SLC4A5: variants seen among roughly 807,000 people sequenced by gnomAD.
SLC4A5 encodes solute carrier family 4 member 5.
SLC4A5 carries 96 observed loss-of-function variants against 120.4 expected under a neutral mutation model. The observed-to-expected ratio is 0.80, with a 90% CI of 0.68 to 0.94. The LOEUF is 0.94. SLC4A5 is among the 40% of genes least tolerant of loss of function. SLC4A5 has a pLI of 0.00. For synonymous variants in SLC4A5, 550 were observed against 571.1 expected (o/e 0.96, Z 0.53); for missense variants, 1,259 against 1,459.5 (o/e 0.86, Z 2.24).
At chr2:74,323,316 A>G (rs1408319133) in intron 5 of SLC4A5, among the ~76,000 whole-genome samples, 34 of 152,310 alleles carry the variant, frequency 2.2e-4, no homozygotes, top group East Asian at 3.9e-4. Context: ...AACATTCTCC[A>G]CCCAGCCAAA....
At chr2:74,225,307 G>C (rs1443230719) in intron 27 of SLC4A5, among the ~76,000 whole-genome samples, 1 of 152,082 alleles carries the variant, frequency 6.6e-6, no homozygotes, top group Non-Finnish European at 1.5e-5. Flanking sequence ...TTAAATTAGT[G>C]GTTCTCAGCC....
Position 74,277,782 on chromosome 2 carries a change from G to A in SLC4A5, c.401+7991C>T, listed in dbSNP as rs530359518. Among the ~76,000 whole-genome samples the A allele has an allele frequency of 1.4e-3, 206 of 152,186 alleles. 1 individual carries two copies. The highest frequency in any genetic ancestry group is 4.9e-3 in the African/African-American group (203 of 41,534). On this transcript the variant is annotated intron_variant, in intron 8 of 30. Transcript: ENST00000394019. Reference sequence around the variant, plus strand: ...AATCTAGACTAGATAACCAATTATAGTAAGGAATTTTTCTCAATTTTATTA... The same window carrying A: ...AATCTAGACTAGATAACCAATTATAATAAGGAATTTTTCTCAATTTTATTA...
At chr2:74,270,085 C>T (rs1004603269) in intron 8 of SLC4A5, among the ~76,000 whole-genome samples, 5 of 152,158 alleles carry the variant, frequency 3.3e-5, no homozygotes, top group African/African-American at 1.2e-4. Flanking sequence ...AAGCCAATGC[C>T]AGAACTAGAC....
intron 8 of SLC4A5, among the ~76,000 whole-genome samples, chr2:74,281,713 TC>T (rs1213019105): frequency 6.6e-6 from 1 of 151,992 alleles, no homozygotes; most frequent in African/African-American, 2.4e-5. Context: ...GCCTGAAACA[TC>T]CCCCAAACTA....
intron 6 of SLC4A5, among the ~76,000 whole-genome samples, chr2:74,314,521 T>A (rs530141144): frequency 6.6e-6 from 1 of 152,292 alleles, no homozygotes; most frequent in Non-Finnish European, 1.5e-5. Flanking sequence ...CTGTAGTGTG[T>A]AGGAGGCTTT....
chr2:74,242,223 T>A (rs917098183), intron 19 of SLC4A5, among the ~76,000 whole-genome samples, 171 bp from the exon 20 acceptor site: 3 of 152,144 alleles, frequency 2.0e-5, no homozygotes, highest in African/African-American at 7.2e-5. Context: ...GAAGGGCTGG[T>A]GGGACAGAGC....
rs549246359 is a variant in SLC4A5 at position 74,232,657 on chromosome 2, C to T, written c.2596-10G>A. On this transcript the variant is annotated splice_polypyrimidine_tract_variant and intron_variant, in intron 23 of 30. Coordinates refer to ENST00000394019, the Ensembl canonical transcript of SLC4A5. ...GGTAGCCGGCAGCCTTCTGCAGGAG[C>T]GGGGTTGGGGGAGGGAGAAGTTTCT... The T allele has an allele frequency of 6.1e-5, 98 of 1,611,572 alleles. No individual in the cohort carries two copies. In the South Asian group the frequency reaches 7.2e-4, roughly 12 times the overall value.
chr2:74,273,234 G>T (rs1308172343), intron 8 of SLC4A5, among the ~76,000 whole-genome samples: 1 of 152,160 alleles, frequency 6.6e-6, no homozygotes, highest in Non-Finnish European at 1.5e-5. Flanking sequence ...TGATTGAAGA[G>T]AAGCTTCTAT....
chr2:74,258,225 A>C (rs1342967006), intron 12 of SLC4A5, among the ~76,000 whole-genome samples: 3 of 152,256 alleles, frequency 2.0e-5, no homozygotes, highest in Middle Eastern at 3.2e-3. Flanking sequence ...TGATGAAGAA[A>C]GAGCCTGCAG....
chr2:74,224,342 C>G (rs1326562417), intron 28 of SLC4A5, among the ~76,000 whole-genome samples: 1 of 152,128 alleles, frequency 6.6e-6, no homozygotes, highest in East Asian at 1.9e-4. Context: ...AGGATACCTG[C>G]CTCTTTCCCC....
In SLC4A5 at chr2:74,298,861, C is replaced by T. The variant is rs1029841133; in HGVS notation, c.271+5628G>A. On this transcript the variant is annotated intron_variant, in intron 7 of 30. Transcript: ENST00000394019. ...AGGAGTTCAAGTCCAGCCTGGGCAA[C>T]ACAGTGAGACCCTTAAAAAAAGGCC... Among the ~76,000 whole-genome samples, 4 of 152,070 alleles carry T rather than the reference C, an allele frequency of 2.6e-5. No individual in the cohort carries two copies. The South Asian group carries it at 6.2e-4, about 24-fold the overall frequency.
At chr2:74,270,624 G>C (rs1475242078) in intron 8 of SLC4A5, among the ~76,000 whole-genome samples, 1 of 152,204 alleles carries the variant, frequency 6.6e-6, no homozygotes, top group Non-Finnish European at 1.5e-5. Context: ...AGTGAGCAGA[G>C]ATCATGCCAC....
At chr2:74,305,049 G>T (rs1672600908) in intron 6 of SLC4A5, among the ~76,000 whole-genome samples, 2 of 152,160 alleles carry the variant, frequency 1.3e-5, no homozygotes. Flanking sequence ...CTCTTTGATT[G>T]TTATGAGAAA....
chr2:74,319,889 A>T (rs1047386012), intron 5 of SLC4A5, among the ~76,000 whole-genome samples: 6 of 152,220 alleles, frequency 3.9e-5, no homozygotes, highest in African/African-American at 1.4e-4. Flanking sequence ...CTCTCCAGAG[A>T]CAGCTCTCAA....
At chr2:74,328,521 T>C (rs1673272312) in intron 4 of SLC4A5, among the ~76,000 whole-genome samples, 1 of 152,244 alleles carries the variant, frequency 6.6e-6, no homozygotes, top group Admixed American at 6.5e-5. Flanking sequence ...AGATTCTTTT[T>C]GGATTCTGTC....
At chr2:74,324,897 C>T (rs550365331) in intron 5 of SLC4A5, among the ~76,000 whole-genome samples, 7 of 152,250 alleles carry the variant, frequency 4.6e-5, no homozygotes, top group South Asian at 4.2e-4. Flanking sequence ...AAAAACTCTG[C>T]TCACTCTGGC....
In SLC4A5 at chr2:74,222,970, G is replaced by C. The variant is rs377272391; in HGVS notation, c.3247-18C>G. ...AACTGGGGCTGGAGAAAAACAGTGG[G>C]AAAAGAGGATAAACACCAACACAAC... is the stretch of plus-strand genomic sequence containing the variant. On this transcript the variant is annotated intron_variant, in intron 28 of 30. Transcript: ENST00000394019. 3.5e-4 allele frequency: 552 copies of C among 1,557,390 alleles called. 1 individual carries two copies. The highest frequency in any genetic ancestry group is 4.7e-4 in the Non-Finnish European group (532 of 1,143,494).
chr2:74,254,520 T>C (rs1670897258), intron 14 of SLC4A5, 99 bp downstream of exon 14: 1 of 875,724 alleles, frequency 1.1e-6, no homozygotes, highest in Non-Finnish European at 1.9e-6. Context: ...ACACAGTAGG[T>C]GCTCAAATGT....
intron 28 of SLC4A5, among the ~76,000 whole-genome samples, chr2:74,224,066 C>A (rs1363633671): frequency 6.6e-6 from 1 of 152,166 alleles, no homozygotes; most frequent in Non-Finnish European, 1.5e-5. Context: ...TTCTTAATTC[C>A]TTCTTAGAAA....
Sources: allele counts gnomAD v4.1 joint callset (sites outside exome capture counted in the v4.1 genomes callset), GRCh38; gene constraint gnomAD v4.1.1; transcripts MANE v1.5; gene names NCBI Gene and HGNC (gene_info 2026-07-23, HGNC 2026-07-21).